ASB6: variants seen among roughly 807,000 people sequenced by gnomAD.
ASB6 encodes ankyrin repeat and SOCS box protein 6.
In ASB6, 24 loss-of-function variants were observed where a neutral mutation model predicts 28.6. The observed-to-expected ratio is 0.84, with a 90% CI of 0.61 to 1.18. The LOEUF is 1.18. ASB6 is among the 50% of genes most tolerant of loss of function. The probability of loss-of-function intolerance (pLI) is 0.00; values close to 1 mark genes in which losing one functional copy is unlikely to be tolerated. For missense variants in ASB6, 519 were observed against 559.8 expected (o/e 0.93, Z 0.74); for synonymous variants, 267 against 243.4 (o/e 1.10, Z -0.90).
Position 129,638,593 on chromosome 9 carries a change from A to G in ASB6, c.578T>C (p.Ile193Thr). 1.9e-6 allele frequency: 3 copies of G among 1,614,016 alleles called. No homozygotes were observed. Among genetic ancestry groups the G allele is most frequent in the Non-Finnish European group, 2.5e-6 (3 of 1,179,962 alleles). The change falls in exon 5 of 6, where the codon ATT (isoleucine) becomes ACT (threonine). Residue 193 changes from isoleucine (I) to threonine (T), a missense_variant. Coordinates refer to ENST00000277458, the MANE Select transcript of ASB6 (RefSeq NM_017873.4). Reference protein sequence around the residue: ...DGVQIHNTENIRLLLEGGADV... With the variant: ...DGVQIHNTENTRLLLEGGADV... ...CTCACCTCCTTCCAGTAAGAGACGAATGTTCTCAGTATTGTGGATCTGCAC... is the reference window on the plus strand; with the variant it reads ...CTCACCTCCTTCCAGTAAGAGACGAGTGTTCTCAGTATTGTGGATCTGCAC...
Position 129,640,716 on chromosome 9 carries a change from A to T in ASB6, c.120T>A (p.Ser40Arg), listed in dbSNP as rs756696222. The T allele has an allele frequency of 1.9e-6, 3 of 1,613,968 alleles. No homozygotes were observed. Among genetic ancestry groups the T allele is most frequent in the Non-Finnish European group, 2.5e-6 (3 of 1,179,986 alleles). The change falls in exon 2 of 6, where the codon AGT becomes AGA. Residue 40 changes from serine to arginine, a missense_variant. Transcript: ENST00000277458. ...PERQESLDRP[S>R]YVASEESRIL... ...TTCGGCTCTCCTCGCTGGCGACATA[A>T]CTGGGCCTGGGACAGGAGAGAGGCT...
At chr9:129,640,836 T>G (rs750225937) in intron 1 of ASB6, 114 bp from the exon 2 acceptor site, 12 of 1,305,710 alleles carry the variant, frequency 9.2e-6, no homozygotes, top group Non-Finnish European at 1.3e-5. Flanking sequence ...GGGCCCTGGC[T>G]CTGTGGGTCA....
rs1455496644 is a variant in ASB6, at chr9:129,638,216, G to C, written c.840C>G (p.Leu280=). The C allele has an allele frequency of 6.2e-6, 10 of 1,613,422 alleles. No individual in the cohort carries two copies. In the Admixed American group the frequency reaches 6.7e-5, roughly 11 times the overall value. The change falls in exon 6 of 6, where the codon CTC becomes CTG. Residue 280 remains leucine, a synonymous_variant. Coordinates refer to ENST00000277458, the MANE Select transcript of ASB6 (RefSeq NM_017873.4). ...AGTTGTAGGCGGCTCCGGACTCCAGGAGGAAGCGCAGGAGAGGGAAGTGCA... is the reference window on the plus strand; with the variant it reads ...AGTTGTAGGCGGCTCCGGACTCCAGCAGGAAGCGCAGGAGAGGGAAGTGCA... ...FKLHFPLLRF[L]LESGAAYNCS... is the part of the protein sequence containing the mutation.
chr9:129,640,526 G>A lies in ASB6; in HGVS notation c.295+15C>T. ...GCGTTTAAGCCACCTGCCCACCCCCGGGGCTCTCGCTGACCTTCAAAGTTG... is the reference window on the plus strand; with the variant it reads ...GCGTTTAAGCCACCTGCCCACCCCCAGGGCTCTCGCTGACCTTCAAAGTTG... On this transcript the variant is annotated intron_variant, in intron 2 of 5. Transcript: ENST00000277458. The A allele has an allele frequency of 6.3e-7, 1 of 1,599,776 alleles. No homozygotes were observed. The highest frequency in any genetic ancestry group is 8.5e-7 in the Non-Finnish European group (1 of 1,174,192).
In ASB6 at chr9:129,638,326, G is replaced by T. The variant is rs978834732; in HGVS notation, c.730C>A (p.Arg244=). 9.9e-6 allele frequency: 16 copies of T among 1,612,822 alleles called. No homozygotes were observed. In the East Asian group the frequency reaches 3.6e-4, roughly 36 times the overall value. ...TCGGCCCCGTGTGCCAGCAGCAGCC[G>T]TGTGACTTGGAAGCAGAAGCGGTTG... is the stretch of plus-strand genomic sequence containing the variant. ...MINRFCFQVT[R]LLLAHGADPS... is the part of the protein sequence containing the mutation. The change falls in exon 6 of 6, where the codon CGG becomes AGG. Residue 244 remains arginine (R), a synonymous_variant. Coordinates refer to ENST00000277458, the MANE Select transcript of ASB6 (RefSeq NM_017873.4).
Position 129,640,551 on chromosome 9 carries a change from G to C in ASB6, c.285C>G (p.Leu95=), listed in dbSNP as rs559454919. The part of the protein sequence containing the change: ...ADVLLRHGAN[L]NFEDPVTYYT... ...GGGGCTCTCGCTGACCTTCAAAGTTGAGATTGGCCCCATGCCGCAAGAGAA... is the reference window on the plus strand; with the variant it reads ...GGGGCTCTCGCTGACCTTCAAAGTTCAGATTGGCCCCATGCCGCAAGAGAA... Residue 95 remains leucine, a synonymous_variant, in exon 2 of 6, where the codon CTC becomes CTG. Coordinates refer to ENST00000277458, the MANE Select transcript of ASB6 (RefSeq NM_017873.4). 6 of 1,607,424 alleles carry C rather than the reference G, an allele frequency of 3.7e-6. No homozygotes were observed. The South Asian group carries it at 5.5e-5, about 15-fold the overall frequency.
Position 129,638,342 on chromosome 9 carries a change from G to A in ASB6, c.714C>T (p.Phe238=), listed in dbSNP as rs752502812. ...GCAGCAGCCGTGTGACTTGGAAGCA[G>A]AAGCGGTTGATCATCTGGGCCTCCT... is the stretch of plus-strand genomic sequence containing the variant. The part of the protein sequence containing the change: ...DKEEAQMINR[F]CFQVTRLLLA... The change falls in exon 6 of 6, where the codon TTC becomes TTT. Residue 238 remains phenylalanine, a synonymous_variant. Transcript: ENST00000277458. 3 of 1,613,032 alleles carry A rather than the reference G, an allele frequency of 1.9e-6. No individual in the cohort carries two copies. The highest frequency in any genetic ancestry group is 2.2e-5 in the South Asian group (2 of 91,086).
At chr9:129,640,769 T>C in intron 1 of ASB6, 47 bp from the exon 2 acceptor site, 1 of 1,607,376 alleles carries the variant, frequency 6.2e-7, no homozygotes, top group Non-Finnish European at 8.5e-7. Flanking sequence ...TGGGACCGGG[T>C]GACCGCGCAG....
chr9:129,641,841 C>T (rs1317274154), intron 1 of ASB6, 46 bp downstream of exon 1: 34 of 1,526,198 alleles, frequency 2.2e-5, no homozygotes, highest in Non-Finnish European at 2.9e-5. Context: ...TGGGACGCTG[C>T]GGGGTCGGAG....
In ASB6 at chr9:129,635,212, C is replaced by A. The variant is rs1231639420; in HGVS notation, c.*2578G>T. ...CCTTGCCTCTGCCCTCCCCAGGCCA[C>A]CTCACCGATCAGCACCTGGCCGAGT... On this transcript the variant is annotated 3_prime_UTR_variant, in exon 6 of 6. Transcript: ENST00000277458. 1 of 1,608,212 alleles carries A rather than the reference C, an allele frequency of 6.2e-7. No homozygotes were observed. The highest frequency in any genetic ancestry group is 2.2e-5 in the East Asian group (1 of 44,836).
chr9:129,639,376 C>T, intron 3 of ASB6, 26 bp downstream of exon 3: 1 of 1,601,732 alleles, frequency 6.2e-7, no homozygotes, highest in South Asian at 1.1e-5. Flanking sequence ...AACCCTGCTT[C>T]AAAGCAAGCT....
At chr9:129,639,133 G>T in intron 4 of ASB6, 69 bp downstream of exon 4, 1 of 1,463,286 alleles carries the variant, frequency 6.8e-7, no homozygotes, top group Non-Finnish European at 9.3e-7. Flanking sequence ...TTGTCCTGGG[G>T]CACCCTGGGT....
In ASB6 at chr9:129,635,023, C is replaced by G; in HGVS notation, c.*2767G>C. On this transcript the variant is annotated 3_prime_UTR_variant, in exon 6 of 6. Transcript: ENST00000277458. The stretch of plus-strand genomic sequence containing the variant: ...GTCTTTAGGTAGATGACCTCTGAGC[C>G]ACAGTTTCCTATTCTATGAATTGGG... 1 of 689,222 alleles carries G rather than the reference C, an allele frequency of 1.5e-6. No homozygotes were observed. The highest frequency in any genetic ancestry group is 2.4e-6 in the Non-Finnish European group (1 of 416,690). 42.7% of individuals were successfully genotyped at this position (689,222 alleles called of 1,614,324 possible).
In ASB6 at chr9:129,639,304, C is replaced by T. The variant is rs747615161; in HGVS notation, c.409G>A (p.Glu137Lys). Residue 137 changes from glutamate (E) to lysine (K), a missense_variant, in exon 4 of 6, where the codon GAG (glutamate) becomes AAG (lysine). By Grantham distance (56) the Glu-to-Lys change is moderately conservative. Transcript: ENST00000277458. Reference sequence around the variant, plus strand: ...CTGGCCAGGTCCAAGGGGCTACTCTCGTGGATCTGAGCCAAGGAAGCACAG... The same window carrying T: ...CTGGCCAGGTCCAAGGGGCTACTCTTGTGGATCTGAGCCAAGGAAGCACAG... Reference protein sequence around the residue: ...ADVNRRDRIHESSPLDLASEE... With the variant: ...ADVNRRDRIHKSSPLDLASEE... The T allele has an allele frequency of 6.8e-6, 11 of 1,611,320 alleles. No homozygotes were observed. The highest frequency in any genetic ancestry group is 8.5e-6 in the Non-Finnish European group (10 of 1,178,106).
chr9:129,639,340 T>A, intron 3 of ASB6, 30 bp from the exon 4 acceptor site: 1 of 1,602,946 alleles, frequency 6.2e-7, no homozygotes, highest in Non-Finnish European at 8.5e-7. Context: ...CCAGGTTGGC[T>A]TGGGAAGCTG....
chr9:129,635,167 C>T lies in ASB6; in HGVS notation c.*2623G>A, dbSNP rs771120054. ...ACATCCCATCCAGTGCCGACATCCG[C>T]TTGCATGGTGCCCTGGTAACCTTGC... On this transcript the variant is annotated 3_prime_UTR_variant, in exon 6 of 6. Coordinates refer to ENST00000277458, the MANE Select transcript of ASB6 (RefSeq NM_017873.4). 2 of 1,584,228 alleles carry T rather than the reference C, an allele frequency of 1.3e-6. No homozygotes were observed. Among genetic ancestry groups the T allele is most frequent in the Non-Finnish European group, 1.7e-6 (2 of 1,169,038 alleles).
In ASB6 at chr9:129,635,520, G is replaced by T. The variant is rs1328964614; in HGVS notation, c.*2270C>A. ...ACAGTCCTGGTGGGGGGAGCTGGCA[G>T]CTGGGCAAGATCCAGGCGCCACGCT... On this transcript the variant is annotated 3_prime_UTR_variant, in exon 6 of 6. Transcript: ENST00000277458. 1.1e-5 allele frequency: 18 copies of T among 1,567,052 alleles called. No homozygotes were observed. In the East Asian group the frequency reaches 4.1e-4, roughly 35 times the overall value.
rs143192028 is a variant in ASB6 at position 129,639,963 on chromosome 9, G to A, written c.296-455C>T. Among the ~76,000 whole-genome samples, 19 of 152,264 alleles carry A rather than the reference G, an allele frequency of 1.2e-4. No homozygotes were observed. The East Asian group carries it at 1.9e-3, about 15-fold the overall frequency. On this transcript the variant is annotated intron_variant, in intron 2 of 5. Transcript: ENST00000277458. Reference sequence around the variant, plus strand: ...CCGTCTTCGGATGGGGAAAGGAGACGTGCCTGGCTGTCTCAGGCCCCTATT... The same window carrying A: ...CCGTCTTCGGATGGGGAAAGGAGACATGCCTGGCTGTCTCAGGCCCCTATT...
chr9:129,641,603 G>A (rs1285009967), intron 1 of ASB6, among the ~76,000 whole-genome samples: 2 of 152,248 alleles, frequency 1.3e-5, no homozygotes, highest in African/African-American at 4.8e-5. Context: ...ACGCCGGGGG[G>A]TGGCACAGGA....
Sources: gnomAD v4.1 joint callset for allele counts (sites outside exome capture counted in the v4.1 genomes callset) on GRCh38, gnomAD v4.1.1 for gene constraint, MANE v1.5 for transcripts, NCBI Gene and HGNC (gene_info 2026-07-23, HGNC 2026-07-21) for gene names.